Variants in IKZF2 observed in about 807,000 individuals in gnomAD.
IKZF2 encodes zinc finger protein Helios.
In IKZF2, 15 loss-of-function variants were observed where a neutral mutation model predicts 49.2. The ratio of observed to expected loss-of-function variants is 0.30; its 90% CI spans 0.20 to 0.47. IKZF2 has a LOEUF of 0.47. Ranked by LOEUF, IKZF2 falls within the 20% of genes least tolerant of loss-of-function variation. IKZF2 has a pLI of 1.00. For synonymous variants in IKZF2, 227 were observed against 221.4 expected, an observed-to-expected ratio of 1.03 and a Z score of -0.23; for missense variants, 567 against 664.6, an observed-to-expected ratio of 0.85 and a Z score of 1.61.
At chr2:213,122,496 G>C (rs2060091790) in intron 4 of IKZF2, among the ~76,000 whole-genome samples, 1 of 152,076 alleles carries the variant, frequency 6.6e-6, no homozygotes, top group Admixed American at 6.6e-5. Flanking sequence ...TTACGATCAA[G>C]CAAGTTTGAG....
At chr2:213,088,631 C>A (rs190707732) in intron 4 of IKZF2, among the ~76,000 whole-genome samples, 3 of 151,874 alleles carry the variant, frequency 2.0e-5, no homozygotes, top group Non-Finnish European at 2.9e-5. Context: ...TAGTGGTGGG[C>A]GGCTGTAATC....
chr2:213,145,582 T>A (rs1246118953), intron 4 of IKZF2, among the ~76,000 whole-genome samples: 1 of 152,006 alleles, frequency 6.6e-6, no homozygotes, highest in Non-Finnish European at 1.5e-5. Flanking sequence ...CGAGAGTTCC[T>A]CTCTATCACT....
chr2:213,128,479 G>C (rs936018672), intron 4 of IKZF2, among the ~76,000 whole-genome samples: 3 of 152,046 alleles, frequency 2.0e-5, no homozygotes, highest in African/African-American at 7.2e-5. Context: ...CCAAAAGTAG[G>C]GTGCACAGCC....
At chr2:213,096,979 G>A (rs1247767654) in intron 4 of IKZF2, among the ~76,000 whole-genome samples, 1 of 151,756 alleles carries the variant, frequency 6.6e-6, no homozygotes, top group African/African-American at 2.4e-5. Flanking sequence ...AAATAAATTT[G>A]TCGCGTTAAT....
chr2:213,007,856 T>C lies in IKZF2; in HGVS notation c.1085A>G (p.Asn362Ser), dbSNP rs1339279026. Residue 362 changes from asparagine to serine, a missense_variant, in exon 9 of 9, where the codon AAT (asparagine) becomes AGT (serine). Asn to Ser is a conservative substitution (Grantham distance 46). Coordinates refer to ENST00000434687, the MANE Select transcript of IKZF2 (RefSeq NM_001387220.1). Reference sequence around the variant, plus strand: ...CCTGCTAATGGGTCTTTCTATCCTATTTGGATGATAGACCTGAGAATAAGC... The same window carrying C: ...CCTGCTAATGGGTCTTTCTATCCTACTTGGATGATAGACCTGAGAATAAGC... ...SSAYSQVYHP[N>S]RIERPISRET... The C allele has an allele frequency of 6.2e-7, 1 of 1,613,452 alleles. No homozygotes were observed. The highest frequency in any genetic ancestry group is 1.3e-5 in the African/African-American group (1 of 74,876).
chr2:213,108,130 A>G lies in IKZF2; in HGVS notation c.139+39578T>C, dbSNP rs193272108. On this transcript the variant is annotated intron_variant, in intron 4 of 8. Coordinates refer to ENST00000434687, the MANE Select transcript of IKZF2 (RefSeq NM_001387220.1). ...TTCAGTGTTTAATGAGATTTCCCGAAATATTCAAAATGGGTGCATGCTTTG... is the reference window on the plus strand; with the variant it reads ...TTCAGTGTTTAATGAGATTTCCCGAGATATTCAAAATGGGTGCATGCTTTG... Among the ~76,000 whole-genome samples the G allele has an allele frequency of 1.9e-4, 29 of 152,270 alleles. 1 individual carries two copies. Among genetic ancestry groups the G allele is most frequent in the Non-Finnish European group, 1.3e-4 (9 of 68,014 alleles).
intron 4 of IKZF2, among the ~76,000 whole-genome samples, chr2:213,138,927 T>C (rs1356804360): frequency 6.6e-6 from 1 of 152,010 alleles, no homozygotes; most frequent in Non-Finnish European, 1.5e-5. Flanking sequence ...TAGTGCTATT[T>C]TCCATCTTCA....
chr2:213,140,263 C>T (rs73079215), intron 4 of IKZF2, among the ~76,000 whole-genome samples: 7,848 of 151,982 alleles, frequency 0.052, 664 homozygotes, highest in African/African-American at 0.17. Flanking sequence ...AATAATTATG[C>T]TGATTAAGAT....
At chr2:213,032,517 A>G (rs1181075498) in intron 6 of IKZF2, among the ~76,000 whole-genome samples, 1 of 152,146 alleles carries the variant, frequency 6.6e-6, no homozygotes, top group African/African-American at 2.4e-5. Flanking sequence ...GAGGATCACT[A>G]AAGCCCAGGA....
chr2:213,115,695 G>T (rs1574898695), intron 4 of IKZF2, among the ~76,000 whole-genome samples: 1 of 152,190 alleles, frequency 6.6e-6, no homozygotes, highest in East Asian at 1.9e-4. Context: ...ATCTCAACAA[G>T]TATGTTCCAT....
At chr2:213,045,753 C>A (rs1700093270) in intron 6 of IKZF2, among the ~76,000 whole-genome samples, 1 of 152,162 alleles carries the variant, frequency 6.6e-6, no homozygotes, top group Non-Finnish European at 1.5e-5. Context: ...AATTGCTGCA[C>A]CCTGCACCTT....
chr2:213,084,153 G>T (rs915883455), intron 4 of IKZF2, among the ~76,000 whole-genome samples: 1 of 152,100 alleles, frequency 6.6e-6, no homozygotes, highest in Non-Finnish European at 1.5e-5. Flanking sequence ...GTGAGCATAT[G>T]ATGTGGAATT....
chr2:213,074,691 T>A (rs1703069662), intron 4 of IKZF2, among the ~76,000 whole-genome samples: 1 of 152,186 alleles, frequency 6.6e-6, no homozygotes, highest in South Asian at 2.1e-4. Flanking sequence ...GTGATTCAAA[T>A]TTCACTAAGA....
At chr2:213,049,679 T>C in intron 6 of IKZF2, 34 bp downstream of exon 6, 2 of 1,497,434 alleles carry the variant, frequency 1.3e-6, no homozygotes, top group Non-Finnish European at 1.8e-6. Context: ...TTTTCCTGTT[T>C]TACTTTTCTT....
intron 6 of IKZF2, among the ~76,000 whole-genome samples, chr2:213,034,788 G>T (rs1698845930): frequency 6.6e-6 from 1 of 152,156 alleles, no homozygotes; most frequent in African/African-American, 2.4e-5. Flanking sequence ...TGTGTCATTG[G>T]AAAAATGGTA....
chr2:213,112,448 T>A (rs1022136355), intron 4 of IKZF2, among the ~76,000 whole-genome samples: 4 of 150,782 alleles, frequency 2.7e-5, no homozygotes, highest in African/African-American at 9.8e-5. Flanking sequence ...CTACACATAA[T>A]CATAGTTCTT....
At chr2:213,040,655 A>C (rs1377461000) in intron 6 of IKZF2, among the ~76,000 whole-genome samples, 1 of 152,216 alleles carries the variant, frequency 6.6e-6, no homozygotes, top group Non-Finnish European at 1.5e-5. Context: ...CTATCCCCTC[A>C]GAGTATTAGG....
intron 7 of IKZF2, among the ~76,000 whole-genome samples, chr2:213,019,752 TGGTTCC>T (rs1330007856): frequency 2.0e-5 from 3 of 152,262 alleles, no homozygotes; most frequent in African/African-American, 7.2e-5. Flanking sequence ...TTCCCCCACT[TGGTTCC>T]AGCTTCAGCA....
chr2:213,013,725 C>A (rs923916805), intron 8 of IKZF2, 66 bp downstream of exon 8: 1 of 1,374,846 alleles, frequency 7.3e-7, no homozygotes, highest in Non-Finnish European at 1.0e-6. Flanking sequence ...ATTTCTAATA[C>A]ATGGGAACTT....
Sources: allele counts gnomAD v4.1 joint callset (sites outside exome capture counted in the v4.1 genomes callset), GRCh38; gene constraint gnomAD v4.1.1; transcripts MANE v1.5; gene names NCBI Gene and HGNC (gene_info 2026-07-23, HGNC 2026-07-21).